The following MED15 variants were observed in gnomAD, a reference collection of about 807,000 sequenced individuals.
The protein encoded by MED15 is mediator of RNA polymerase II transcription subunit 15.
A neutral mutation model predicts 118.7 loss-of-function variants in MED15; 41 were observed. That is an observed-to-expected ratio of 0.35 (90% CI 0.27 to 0.45). The LOEUF is 0.45. Ranked by LOEUF, MED15 falls within the 20% of genes least tolerant of loss-of-function variation. The pLI, the probability that MED15 is intolerant of heterozygous loss-of-function variation, is 1.00. For missense variants in MED15, 740 were observed against 1,025.5 expected (o/e 0.72, Z 3.80); for synonymous variants, 436 against 413.9 (o/e 1.05, Z -0.65).
rs547574547 is a variant in MED15, at chr22:20,582,713, G to T, written c.1375G>T (p.Gly459Cys). The T allele has an allele frequency of 2.3e-6, 3 of 1,306,296 alleles. No individual in the cohort carries two copies. Among genetic ancestry groups the T allele is most frequent in the East Asian group, 4.5e-5 (1 of 22,110 alleles). The allele number at this position is 1,306,296 out of a possible 1,614,324, so 80.9% of individuals were successfully genotyped here. A position where few individuals can be genotyped will look rare whatever the true frequency, so the allele number is the denominator to read the frequency against. ...PPPPQPSPQPGQPSSQPNSNV... is the reference protein window; with the variant it reads ...PPPPQPSPQPCQPSSQPNSNV... ...TCCCCCCCAGCCGTCCCCGCAGCCCGGCCAGCCCAGCTCACAGCCCAACTC... is the reference window on the plus strand; with the variant it reads ...TCCCCCCCAGCCGTCCCCGCAGCCCTGCCAGCCCAGCTCACAGCCCAACTC... The change falls in exon 10 of 18, where the codon GGC (glycine) becomes TGC (cysteine). Residue 459 changes from glycine to cysteine, a missense_variant. By Grantham distance (159) the Gly-to-Cys change is radical. Transcript: ENST00000263205.
rs1286547505 is a variant in MED15, at chr22:20,548,709, CGT to C, written c.157-2724_157-2723del. On this transcript the variant is annotated intron_variant, in intron 2 of 17. Transcript: ENST00000263205. ...CATGCAGTGTATGTGGCACGGAGCA[CGT>C]GTTTCTATCCTTTCTCCTTCCTTGT... Among the ~76,000 whole-genome samples, 4 of 152,336 alleles carry C rather than the reference CGT, an allele frequency of 2.6e-5. No individual in the cohort carries two copies. In the East Asian group the frequency reaches 7.7e-4, roughly 29 times the overall value.
At chr22:20,571,073 C>G (rs935533203) in intron 8 of MED15, among the ~76,000 whole-genome samples, 8 of 149,662 alleles carry the variant, frequency 5.3e-5, no homozygotes, top group Non-Finnish European at 1.1e-4. Context: ...CTTTCCTTTT[C>G]TTTCCATTTC....
At chr22:20,530,010 C>G (rs919241799) in intron 1 of MED15, among the ~76,000 whole-genome samples, 2 of 152,236 alleles carry the variant, frequency 1.3e-5, no homozygotes, top group Non-Finnish European at 2.9e-5. Context: ...AGGCGTGAAC[C>G]ACCACACCTA....
At chr22:20,556,225 G>A (rs1315096600) in intron 5 of MED15, among the ~76,000 whole-genome samples, 2 of 151,794 alleles carry the variant, frequency 1.3e-5, no homozygotes, top group African/African-American at 4.8e-5. Flanking sequence ...ATCTTACATA[G>A]AACATTGTCA....
In MED15 at chr22:20,586,837, G is replaced by A; in HGVS notation, c.*133G>A. ...TTTCCTGCTTTTATCTTCTGCCTTGGGGACCTGCCAAACGAAATCCCACAC... is the reference window on the plus strand; with the variant it reads ...TTTCCTGCTTTTATCTTCTGCCTTGAGGACCTGCCAAACGAAATCCCACAC... On this transcript the variant is annotated 3_prime_UTR_variant, in exon 18 of 18. Coordinates refer to ENST00000263205, the MANE Select transcript of MED15 (RefSeq NM_001003891.3). 7.5e-7 allele frequency: 1 copy of A among 1,339,784 alleles called. No individual in the cohort carries two copies. Among genetic ancestry groups the A allele is most frequent in the South Asian group, 1.4e-5 (1 of 71,034 alleles). 83.0% of individuals were successfully genotyped at this position (1,339,784 alleles called of 1,614,324 possible).
At chr22:20,542,341 A>G (rs1367351581) in intron 2 of MED15, among the ~76,000 whole-genome samples, 1 of 152,244 alleles carries the variant, frequency 6.6e-6, no homozygotes, top group African/African-American at 2.4e-5. Context: ...CAGCTGATGA[A>G]TGGATAAACA....
chr22:20,580,561 G>A (rs1207812954), intron 9 of MED15, among the ~76,000 whole-genome samples: 1 of 152,156 alleles, frequency 6.6e-6, no homozygotes, highest in Non-Finnish European at 1.5e-5. Flanking sequence ...CAGGTAGAGA[G>A]TAGCAGCAAG....
chr22:20,542,801 A>G (rs2146473400), intron 2 of MED15, among the ~76,000 whole-genome samples: 1 of 152,342 alleles, frequency 6.6e-6, no homozygotes, highest in South Asian at 2.1e-4. Context: ...TTCTACATAT[A>G]TGATGGAATT....
intron 1 of MED15, among the ~76,000 whole-genome samples, chr22:20,510,372 G>A (rs750580314): frequency 6.6e-6 from 1 of 152,136 alleles, no homozygotes; most frequent in Non-Finnish European, 1.5e-5. Flanking sequence ...GTGACAGAGC[G>A]AGACTCCATC....
chr22:20,555,411 A>G (rs2055958919), intron 5 of MED15, among the ~76,000 whole-genome samples: 1 of 152,006 alleles, frequency 6.6e-6, no homozygotes, highest in South Asian at 2.1e-4. Context: ...CTCCATCCAA[A>G]GGTTTGTGTT....
intron 7 of MED15, among the ~76,000 whole-genome samples, chr22:20,567,869 T>G (rs79106741): frequency 0.028 from 4,282 of 151,954 alleles, 210 homozygotes; most frequent in African/African-American, 0.097. Flanking sequence ...CACCCCCACT[T>G]TTTTCTTTTG....
intron 9 of MED15, among the ~76,000 whole-genome samples, chr22:20,576,064 T>C (rs1327451513): frequency 6.6e-6 from 1 of 152,236 alleles, no homozygotes; most frequent in Non-Finnish European, 1.5e-5. Flanking sequence ...TCTTTTATTG[T>C]ATGAAATTTG....
chr22:20,511,988 CT>C (rs746240328), intron 1 of MED15, among the ~76,000 whole-genome samples: 12 of 92,198 alleles, frequency 1.3e-4, no homozygotes, highest in Non-Finnish European at 2.0e-4. Context: ...ACATTCTAAG[CT>C]TTTTTTTTTT....
At chr22:20,579,057 G>A (rs1450012403) in intron 9 of MED15, among the ~76,000 whole-genome samples, 4 of 152,238 alleles carry the variant, frequency 2.6e-5, no homozygotes, top group Non-Finnish European at 5.9e-5. Context: ...CATGGCCCAT[G>A]CCACAATCCT....
At chr22:20,541,650 A>AT (rs35805990) in intron 2 of MED15, among the ~76,000 whole-genome samples, 3,870 of 125,492 alleles carry the variant, frequency 0.031, 192 homozygotes, top group African/African-American at 0.1. Context: ...CACCCAGCTA[A>AT]TTTTTTTTTT....
intron 9 of MED15, among the ~76,000 whole-genome samples, chr22:20,579,391 A>G (rs1219381201): frequency 6.6e-6 from 1 of 151,774 alleles, no homozygotes; most frequent in Non-Finnish European, 1.5e-5. Context: ...CCCACTAGAA[A>G]TCTCCCTGCC....
chr22:20,552,522 G>A (rs1396627595), intron 3 of MED15: 4 of 451,414 alleles, frequency 8.9e-6, no homozygotes, highest in Non-Finnish European at 1.8e-5. Flanking sequence ...GGCAGACTCC[G>A]CATGTTCTGC....
In MED15 at chr22:20,525,864, G is replaced by A. The variant is rs557433158; in HGVS notation, c.69-11253G>A. ...TGACCCTTCTTAATAGCTATTGTTC[G>A]CTGAGTATTTCTCTACGACACTCTT... is the stretch of plus-strand genomic sequence containing the variant. On this transcript the variant is annotated intron_variant, in intron 1 of 17. Transcript: ENST00000263205. 4.0e-5 allele frequency among the ~76,000 whole-genome samples: 6 copies of A among 151,604 alleles called. No individual in the cohort carries two copies. The East Asian group carries it at 7.8e-4, about 20-fold the overall frequency.
intron 1 of MED15, among the ~76,000 whole-genome samples, chr22:20,524,609 G>GT (rs1414966093): frequency 2.6e-5 from 4 of 151,010 alleles, no homozygotes; most frequent in South Asian, 2.1e-4. Flanking sequence ...TATGTGGCAG[G>GT]TTTTTTTTGT....
Sources: gnomAD v4.1 joint callset for allele counts (sites outside exome capture counted in the v4.1 genomes callset) on GRCh38, gnomAD v4.1.1 for gene constraint, MANE v1.5 for transcripts, NCBI Gene and HGNC (gene_info 2026-07-23, HGNC 2026-07-21) for gene names.